The following APBB2 variants were observed in gnomAD, a reference collection of about 807,000 sequenced individuals.
APBB2 encodes the protein Fe65-like 1.
A neutral mutation model predicts 82.5 loss-of-function variants in APBB2; 38 were observed. The observed-to-expected ratio is 0.46, with a 90% CI of 0.36 to 0.60. The LOEUF is 0.60. APBB2 is among the 20% of genes least tolerant of loss of function. The pLI, the probability that APBB2 is intolerant of heterozygous loss-of-function variation, is 0.00. For synonymous variants in APBB2, 341 were observed against 368.2 expected (o/e 0.93, Z 0.85); for missense variants, 772 against 972.3 (o/e 0.79, Z 2.74).
At chr4:41,213,830 C>T (rs933559096) in intron 1 of APBB2, among the ~76,000 whole-genome samples, 8 of 152,208 alleles carry the variant, frequency 5.3e-5, no homozygotes, top group African/African-American at 1.9e-4. Context: ...CCTTTCATGT[C>T]TCATGGGCTG....
chr4:41,033,584 T>TCTCA (rs1355663784), intron 4 of APBB2, among the ~76,000 whole-genome samples: 11 of 130,772 alleles, frequency 8.4e-5, no homozygotes, highest in Non-Finnish European at 1.3e-4. Context: ...CTTTTTCTCA[T>TCTCA]CACACACACA....
At chr4:41,147,387 C>T (rs1761065095) in intron 1 of APBB2, among the ~76,000 whole-genome samples, 3 of 150,362 alleles carry the variant, frequency 2.0e-5, no homozygotes, top group Admixed American at 2.0e-4. Flanking sequence ...AAACCTTGGT[C>T]ATATGTCAGT....
Position 40,814,119 on chromosome 4 carries a change from T to G in APBB2, c.*1973A>C, listed in dbSNP as rs1745018134. The G allele has an allele frequency of 6.6e-6, 1 of 152,210 alleles. No individual in the cohort carries two copies. The highest frequency in any genetic ancestry group is 6.5e-5 in the Admixed American group (1 of 15,282). 9.4% of individuals were successfully genotyped at this position (152,210 alleles called of 1,614,324 possible). On this transcript the variant is annotated 3_prime_UTR_variant, in exon 18 of 18. Coordinates refer to ENST00000508593, the MANE Select transcript of APBB2 (RefSeq NM_004307.2). ...TCTCTGGTGGCTAAGTACCATGAGT[T>G]AGGAATGTCTACCACAAGTAGCATC...
At chr4:40,977,686 G>A (rs184692075) in intron 6 of APBB2, among the ~76,000 whole-genome samples, 1 of 152,244 alleles carries the variant, frequency 6.6e-6, no homozygotes, top group Admixed American at 6.5e-5. Flanking sequence ...TTGAAAAAGA[G>A]TCACACACAT....
intron 1 of APBB2, among the ~76,000 whole-genome samples, chr4:41,155,813 G>GTA (rs1222440384): frequency 6.6e-6 from 1 of 152,230 alleles, no homozygotes; most frequent in African/African-American, 2.4e-5. Flanking sequence ...TCACAGACTA[G>GTA]TATAGGGTTT....
At chr4:41,187,508 G>T (rs78797087) in intron 1 of APBB2, among the ~76,000 whole-genome samples, 1 of 152,104 alleles carries the variant, frequency 6.6e-6, no homozygotes, top group South Asian at 2.1e-4. Flanking sequence ...AATTCAGAAG[G>T]CTTTGTTATC....
chr4:40,863,883 G>A (rs1763384418), intron 12 of APBB2, among the ~76,000 whole-genome samples: 1 of 103,482 alleles, frequency 9.7e-6, no homozygotes, highest in African/African-American at 3.7e-5. Context: ...GACAGAGGGA[G>A]ACTGTCTCAA....
chr4:41,195,448 T>C, intron 1 of APBB2, among the ~76,000 whole-genome samples: 1 of 151,704 alleles, frequency 6.6e-6, no homozygotes, highest in Admixed American at 6.6e-5. Flanking sequence ...CAGTCATTTC[T>C]TGCCACTTCC....
chr4:40,942,818 T>C (rs1159001648), intron 7 of APBB2, among the ~76,000 whole-genome samples: 2 of 151,950 alleles, frequency 1.3e-5, no homozygotes, highest in Non-Finnish European at 2.9e-5. Context: ...TACCTGGCAG[T>C]TTTCCCCAGA....
At chr4:41,196,083 C>T in intron 1 of APBB2, among the ~76,000 whole-genome samples, 18 of 151,676 alleles carry the variant, frequency 1.2e-4, no homozygotes, top group South Asian at 4.2e-4. Flanking sequence ...GGCGTGAACC[C>T]GGGAGGCGGA....
intron 2 of APBB2, among the ~76,000 whole-genome samples, chr4:41,106,868 G>A (rs536040846): frequency 1.1e-3 from 170 of 152,266 alleles, no homozygotes; most frequent in Non-Finnish European, 2.0e-3. Flanking sequence ...GGTCTGGGCA[G>A]AGAAAGTACA....
chr4:40,998,522 A>C (rs568293353), intron 6 of APBB2, among the ~76,000 whole-genome samples: 3 of 152,356 alleles, frequency 2.0e-5, no homozygotes, highest in South Asian at 4.1e-4. Flanking sequence ...AACAACTATT[A>C]AAATAGTCGT....
At chr4:40,830,918 C>T (rs1378078758) in intron 12 of APBB2, among the ~76,000 whole-genome samples, 1 of 151,316 alleles carries the variant, frequency 6.6e-6, no homozygotes, top group East Asian at 1.9e-4. Context: ...CAAAAAAAAC[C>T]AAAACCAAAA....
chr4:40,934,807 G>T, intron 8 of APBB2, 108 bp from the exon 9 acceptor site: 1 of 830,088 alleles, frequency 1.2e-6, no homozygotes. Flanking sequence ...GAGAGTGTAC[G>T]TGAGCTTAGG....
chr4:40,851,602 C>T (rs1431862765), intron 12 of APBB2, among the ~76,000 whole-genome samples: 1 of 151,820 alleles, frequency 6.6e-6, no homozygotes, highest in African/African-American at 2.4e-5. Context: ...TTTATTCATC[C>T]CCAGACAAGC....
intron 7 of APBB2, among the ~76,000 whole-genome samples, chr4:40,939,221 T>C (rs1441253043): frequency 6.6e-6 from 1 of 152,194 alleles, no homozygotes; most frequent in East Asian, 1.9e-4. Flanking sequence ...AAAGACACAT[T>C]GCCTGCTGGA....
intron 1 of APBB2, among the ~76,000 whole-genome samples, chr4:41,191,822 T>C (rs1774514645): frequency 6.6e-6 from 1 of 151,998 alleles, no homozygotes; most frequent in South Asian, 2.1e-4. Flanking sequence ...AAGAAAACAA[T>C]CAACAAAATG....
chr4:40,934,228 A>G (rs1784870656), intron 10 of APBB2, among the ~76,000 whole-genome samples: 1 of 152,198 alleles, frequency 6.6e-6, no homozygotes, highest in South Asian at 2.1e-4. Flanking sequence ...CAAAGAGCTG[A>G]CGTAGTGAGA....
chr4:41,207,198 C>CAAAA (rs368548129), intron 1 of APBB2, among the ~76,000 whole-genome samples: 4 of 67,344 alleles, frequency 5.9e-5, no homozygotes, highest in East Asian at 5.1e-4. Context: ...GACTCCGTCT[C>CAAAA]AAAAAAAAAA....
Sources: gnomAD v4.1 joint callset for allele counts (sites outside exome capture counted in the v4.1 genomes callset) on GRCh38, gnomAD v4.1.1 for gene constraint, MANE v1.5 for transcripts, NCBI Gene and HGNC (gene_info 2026-07-23, HGNC 2026-07-21) for gene names.